Variants in PLXNA4 observed in about 807,000 individuals in gnomAD.
PLXNA4 encodes plexin-A4.
PLXNA4 carries 44 observed loss-of-function variants against 191.8 expected under a neutral mutation model. The observed-to-expected ratio is 0.23, with a 90% CI of 0.18 to 0.29. The LOEUF (loss-of-function observed/expected upper bound fraction) is 0.29. Among genes scored for constraint, PLXNA4 ranks in the 10% least tolerant of loss-of-function variants. The pLI, the probability that PLXNA4 is intolerant of heterozygous loss-of-function variation, is 1.00. For missense variants in PLXNA4, 1,800 were observed against 2,488.8 expected, an observed-to-expected ratio of 0.72 and a Z score of 5.89; for synonymous variants, 1,082 against 1,009.5, an observed-to-expected ratio of 1.07 and a Z score of -1.36.
At position 132,561,515 on chromosome 7, in the gene PLXNA4, TCC is replaced by T. The variant is rs1398763136; in HGVS notation, c.-87+14905_-87+14906del. On this transcript the variant is annotated intron_variant, in intron 1 of 31. Transcript: ENST00000321063. ...TTTCTCCTCCCCCACCTCCTCCTCC[TCC>T]TTCTCCTCCTCCTCCTTCTCCTCCT... 1.4e-3 allele frequency among the ~76,000 whole-genome samples: 150 copies of T among 110,846 alleles called. 2 individuals carry two copies. Among genetic ancestry groups the T allele is most frequent in the African/African-American group, 5.2e-3 (143 of 27,364 alleles). The allele number at this position is 110,846 out of a possible 152,430, so 72.7% of individuals were successfully genotyped here.
chr7:132,609,167 T>G (rs1802999945), intron 2 of PLXNA4, among the ~76,000 whole-genome samples: 1 of 152,220 alleles, frequency 6.6e-6, no homozygotes, highest in South Asian at 2.1e-4. Context: ...TTTGTCATAA[T>G]TACATTTCTG....
chr7:132,130,638 G>C, intron 31 of PLXNA4, 64 bp from the exon 32 acceptor site: 1 of 1,609,018 alleles, frequency 6.2e-7, no homozygotes, highest in Non-Finnish European at 8.5e-7. Context: ...TTCTCAGGAG[G>C]CACAAAGATG....
intron 20 of PLXNA4, among the ~76,000 whole-genome samples, chr7:132,176,979 A>G (rs1469003135): frequency 6.6e-6 from 1 of 152,216 alleles, no homozygotes; most frequent in Non-Finnish European, 1.5e-5. Flanking sequence ...ATGAGTGTGC[A>G]TGCATGTGTG....
chr7:132,207,539 C>A (rs967435509), intron 10 of PLXNA4, among the ~76,000 whole-genome samples: 1 of 152,214 alleles, frequency 6.6e-6, no homozygotes, highest in Non-Finnish European at 1.5e-5. Flanking sequence ...TCTGCCCTGT[C>A]CTCCTCCCAC....
rs1798510020 is a variant in PLXNA4, at chr7:132,507,427, A to G, written c.1188+79T>C. 7 of 1,436,978 alleles carry G rather than the reference A, an allele frequency of 4.9e-6. No individual in the cohort carries two copies. The South Asian group carries it at 9.6e-5, about 20-fold the overall frequency. The allele number at this position is 1,436,978 out of a possible 1,614,324, so 89.0% of individuals were successfully genotyped here. On this transcript the variant is annotated intron_variant, in intron 2 of 31. Transcript: ENST00000321063. Reference sequence around the variant, plus strand: ...ATCTGCAAAAGGGGAAGGATGATACACATCCCATGGGGGCTACAGGCTGGG... The same window carrying G: ...ATCTGCAAAAGGGGAAGGATGATACGCATCCCATGGGGGCTACAGGCTGGG...
intron 3 of PLXNA4, among the ~76,000 whole-genome samples, chr7:132,356,953 AG>A (rs146900719): frequency 0.02 from 3,056 of 152,266 alleles, 111 homozygotes; most frequent in African/African-American, 0.07. Flanking sequence ...AGGAAGACAG[AG>A]GGGCCTGGGG....
intron 2 of PLXNA4, among the ~76,000 whole-genome samples, chr7:132,588,638 AG>A (rs1157423783): frequency 4.6e-5 from 3 of 65,116 alleles, no homozygotes; most frequent in African/African-American, 2.8e-4. Context: ...GAAGGAAGGA[AG>A]GGAAGGGAAG....
intron 2 of PLXNA4, among the ~76,000 whole-genome samples, chr7:132,606,776 A>G (rs1205524459): frequency 1.3e-5 from 2 of 152,200 alleles, no homozygotes; most frequent in African/African-American, 2.4e-5. Context: ...ATTAGGGAGG[A>G]GGGAGCACCT....
intron 30 of PLXNA4, among the ~76,000 whole-genome samples, chr7:132,137,132 A>G (rs1034590724): frequency 2.0e-5 from 3 of 152,240 alleles, no homozygotes; most frequent in African/African-American, 4.8e-5. Flanking sequence ...CCTCTAGACT[A>G]TATCTTGCTC....
In PLXNA4 at chr7:132,621,547, T is replaced by A. The variant is rs184790557; in HGVS notation, c.-87+24381A>T. ...GTGCTGGGATTACAGGCATGAGCCA[T>A]CGCACCTGGCCAATCTCTTAGTTTT... On this transcript the variant is annotated intron_variant, in intron 2 of 4. Coordinates refer to the PLXNA4 transcript ENST00000378539. 2.0e-5 allele frequency among the ~76,000 whole-genome samples: 3 copies of A among 152,276 alleles called. No individual in the cohort carries two copies. The East Asian group carries it at 5.8e-4, about 29-fold the overall frequency.
intron 3 of PLXNA4, among the ~76,000 whole-genome samples, chr7:132,444,337 C>G (rs576548425): frequency 2.2e-4 from 33 of 152,374 alleles, no homozygotes; most frequent in African/African-American, 7.0e-4. Flanking sequence ...TCACTGCAAC[C>G]ACCTCCTCCT....
chr7:132,296,574 C>A (rs1204589317), intron 4 of PLXNA4, among the ~76,000 whole-genome samples: 1 of 151,922 alleles, frequency 6.6e-6, no homozygotes, highest in African/African-American at 2.4e-5. Context: ...CACCTGGCTC[C>A]GTTTATATTT....
intron 14 of PLXNA4, among the ~76,000 whole-genome samples, chr7:132,191,296 A>C (rs1158333292): frequency 6.6e-6 from 1 of 152,160 alleles, no homozygotes. Context: ...ATGGTGATGG[A>C]TTGATGTCAG....
At chr7:132,142,669 T>C (rs973289811) in intron 29 of PLXNA4, among the ~76,000 whole-genome samples, 1 of 152,042 alleles carries the variant, frequency 6.6e-6, no homozygotes, top group African/African-American at 2.4e-5. Flanking sequence ...AAATCCCTAA[T>C]AGGAAATAAT....
At chr7:132,404,205 G>A (rs1254787361) in intron 3 of PLXNA4, among the ~76,000 whole-genome samples, 2 of 152,204 alleles carry the variant, frequency 1.3e-5, no homozygotes, top group Non-Finnish European at 2.9e-5. Flanking sequence ...TAACCCTCCA[G>A]GAGGCTGATG....
intron 4 of PLXNA4, among the ~76,000 whole-genome samples, chr7:132,265,689 GCAGATA>G (rs1799824138): frequency 6.6e-6 from 1 of 152,160 alleles, no homozygotes; most frequent in Non-Finnish European, 1.5e-5. Context: ...ACAGACCCTA[GCAGATA>G]CACATGTGAA....
chr7:132,548,918 C>T (rs547429048), intron 1 of PLXNA4, among the ~76,000 whole-genome samples: 1 of 152,276 alleles, frequency 6.6e-6, no homozygotes, highest in Non-Finnish European at 1.5e-5. Flanking sequence ...TCATTATATG[C>T]TAATTATAAT....
intron 2 of PLXNA4, among the ~76,000 whole-genome samples, chr7:132,600,482 C>T (rs1391877210): frequency 1.3e-5 from 2 of 152,186 alleles, no homozygotes; most frequent in African/African-American, 2.4e-5. Flanking sequence ...CCCACCTCAG[C>T]CTCCCAAGTA....
chr7:132,464,832 C>T (rs1310681162), intron 3 of PLXNA4, among the ~76,000 whole-genome samples: 2 of 152,212 alleles, frequency 1.3e-5, no homozygotes, highest in Admixed American at 1.3e-4. Context: ...AGGACCAGCA[C>T]CTGTCTACAA....
Sources: allele counts gnomAD v4.1 joint callset (sites outside exome capture counted in the v4.1 genomes callset), GRCh38; gene constraint gnomAD v4.1.1; transcripts MANE v1.5; gene names NCBI Gene and HGNC (gene_info 2026-07-23, HGNC 2026-07-21).